Variants in UBAP1 observed in about 807,000 individuals in gnomAD.
UBAP1 encodes the protein ubiquitin-associated protein 1.
UBAP1 carries 5 observed loss-of-function variants against 39.0 expected under a neutral mutation model. That is an observed-to-expected ratio of 0.13 (90% CI 0.07 to 0.27). UBAP1 has a LOEUF of 0.27. Among genes scored for constraint, UBAP1 ranks in the 10% least tolerant of loss-of-function variants. The pLI is 1.00. For synonymous variants in UBAP1, 211 were observed against 225.1 expected, an observed-to-expected ratio of 0.94 and a Z score of 0.56; for missense variants, 490 against 608.1, an observed-to-expected ratio of 0.81 and a Z score of 2.04.
chr9:34,200,503 A>T (rs1334478309), intron 1 of UBAP1, among the ~76,000 whole-genome samples: 3 of 152,188 alleles, frequency 2.0e-5, no homozygotes, highest in Non-Finnish European at 4.4e-5. Context: ...ATTAGGATGG[A>T]TAGATGTTTA....
intron 1 of UBAP1, among the ~76,000 whole-genome samples, chr9:34,194,471 T>C (rs2131517068): frequency 6.6e-6 from 1 of 152,138 alleles, no homozygotes; most frequent in South Asian, 2.1e-4. Flanking sequence ...CCTGCCACCA[T>C]GCCCGGCTAA....
chr9:34,236,270 G>A (rs1241158075), intron 3 of UBAP1, among the ~76,000 whole-genome samples: 1 of 152,008 alleles, frequency 6.6e-6, no homozygotes, highest in Non-Finnish European at 1.5e-5. Flanking sequence ...ATTCAGCATA[G>A]TAACATGCTA....
chr9:34,213,508 C>G (rs1832129801), intron 1 of UBAP1, among the ~76,000 whole-genome samples: 1 of 152,020 alleles, frequency 6.6e-6, no homozygotes, highest in Non-Finnish European at 1.5e-5. Flanking sequence ...GAGACTCTGT[C>G]TCAAAAACAA....
At position 34,247,425 on chromosome 9, in the gene UBAP1, T is replaced by C. The variant is rs201996653; in HGVS notation, c.1084-2354T>C. On this transcript the variant is annotated intron_variant, in intron 4 of 6. Coordinates refer to ENST00000297661, the MANE Select transcript of UBAP1 (RefSeq NM_016525.5). ...AATTAATAAATATATCTTTTTTTCT[T>C]ATTTATTTATTTATTTAGAGACGGT... is the stretch of plus-strand genomic sequence containing the variant. Among the ~76,000 whole-genome samples, 15 of 152,156 alleles carry C rather than the reference T, an allele frequency of 9.9e-5. No homozygotes were observed. The East Asian group carries it at 2.9e-3, about 29-fold the overall frequency.
chr9:34,226,156 T>TGTGTGTGTGTGTGTGTGTGTGTGG (rs1833089039), intron 2 of UBAP1, among the ~76,000 whole-genome samples: 3 of 141,188 alleles, frequency 2.1e-5, no homozygotes, highest in Non-Finnish European at 3.1e-5. Context: ...TGTGTGTGTG[T>TGTGTGTGTGTGTGTGTGTGTGTGG]GGTGGGCTGG....
At chr9:34,189,069 A>G (rs1266717276) in intron 1 of UBAP1, among the ~76,000 whole-genome samples, 1 of 152,178 alleles carries the variant, frequency 6.6e-6, no homozygotes, top group Non-Finnish European at 1.5e-5. Flanking sequence ...TAAGAATGGA[A>G]TCTTCCTAAT....
In UBAP1 at chr9:34,208,726, C is replaced by T. The variant is rs181298379; in HGVS notation, c.-7-12182C>T. ...CTGGGAGGCGGAGTTTGCAGTGAGCCGAGATGGCACCACTGCACTCCAGCC... is the reference window on the plus strand; with the variant it reads ...CTGGGAGGCGGAGTTTGCAGTGAGCTGAGATGGCACCACTGCACTCCAGCC... On this transcript the variant is annotated intron_variant, in intron 1 of 6. Coordinates refer to ENST00000297661, the MANE Select transcript of UBAP1 (RefSeq NM_016525.5). Among the ~76,000 whole-genome samples the T allele has an allele frequency of 3.1e-3, 459 of 148,226 alleles. 1 individual carries two copies. Among genetic ancestry groups the T allele is most frequent in the African/African-American group, 0.011 (437 of 40,220 alleles).
intron 3 of UBAP1, among the ~76,000 whole-genome samples, chr9:34,234,849 T>C (rs1193513031): frequency 6.6e-6 from 1 of 152,196 alleles, no homozygotes; most frequent in Admixed American, 6.5e-5. Flanking sequence ...TGCTATACTT[T>C]TTAGCATTAT....
Position 34,241,761 on chromosome 9 carries a change from A to G in UBAP1, c.736A>G (p.Met246Val). The G allele has an allele frequency of 6.2e-7, 1 of 1,614,134 alleles. No individual in the cohort carries two copies. Among genetic ancestry groups the G allele is most frequent in the Non-Finnish European group, 8.5e-7 (1 of 1,180,014 alleles). ...ACCACAGTTGGGCAACTGTGAAAAGATGTCACTGTCTTCCAAAGTGTCCCT... is the reference window on the plus strand; with the variant it reads ...ACCACAGTTGGGCAACTGTGAAAAGGTGTCACTGTCTTCCAAAGTGTCCCT... The part of the protein sequence containing the change: ...TLPQLGNCEK[M>V]SLSSKVSLPP... Residue 246 changes from methionine (M) to valine (V), a missense_variant, in exon 4 of 7, where the codon ATG becomes GTG. By Grantham distance (21) the Met-to-Val change is conservative. Transcript: ENST00000297661.
intron 3 of UBAP1, among the ~76,000 whole-genome samples, chr9:34,237,656 C>T (rs1323555830): frequency 6.6e-6 from 1 of 152,096 alleles, no homozygotes; most frequent in African/African-American, 2.4e-5. Flanking sequence ...CAGCCTCGAC[C>T]TCCCTGAGCT....
At chr9:34,181,412 G>T (rs2131478301) in intron 1 of UBAP1, among the ~76,000 whole-genome samples, 1 of 150,440 alleles carries the variant, frequency 6.6e-6, no homozygotes, top group African/African-American at 2.4e-5. Context: ...CACCGCGCCC[G>T]GCCTTTTTTA....
In UBAP1 at chr9:34,251,717, G is replaced by C; in HGVS notation, c.*185G>C. The C allele has an allele frequency of 1.6e-6, 1 of 644,696 alleles. No individual in the cohort carries two copies. The highest frequency in any genetic ancestry group is 2.6e-6 in the Non-Finnish European group (1 of 382,090). The allele number at this position is 644,696 out of a possible 1,614,324, so 39.9% of individuals were successfully genotyped here. ...TGAGCTGGGGAGGTGGGGAAGATTC[G>C]GGCATGTGAGTGCCCCCAGAACTGT... On this transcript the variant is annotated 3_prime_UTR_variant, in exon 7 of 7. Coordinates refer to ENST00000297661, the MANE Select transcript of UBAP1 (RefSeq NM_016525.5).
At chr9:34,204,057 T>C (rs1159152800) in intron 1 of UBAP1, among the ~76,000 whole-genome samples, 1 of 152,224 alleles carries the variant, frequency 6.6e-6, no homozygotes, top group Non-Finnish European at 1.5e-5. Flanking sequence ...CTGGGCGTGG[T>C]GGTTCATGCC....
At chr9:34,235,827 T>TG (rs1491194392) in intron 3 of UBAP1, among the ~76,000 whole-genome samples, 2 of 139,628 alleles carry the variant, frequency 1.4e-5, no homozygotes, top group Non-Finnish European at 3.2e-5. Context: ...ATTTTTAATC[T>TG]TTTTTTTTTT....
In UBAP1 at chr9:34,188,423, CT is replaced by C. The variant is rs34942688; in HGVS notation, c.-8+9207del. Among the ~76,000 whole-genome samples the C allele has an allele frequency of 4.2e-3, 488 of 117,162 alleles. 3 individuals carry two copies. Among genetic ancestry groups the C allele is most frequent in the African/African-American group, 6.6e-3 (206 of 30,980 alleles). 76.9% of individuals were successfully genotyped at this position (117,162 alleles called of 152,430 possible). Reference sequence around the variant, plus strand: ...TTTGAATGCTAAACTTAGTCTTCAGCTTTTTTTTTTTTTTTTTTTTTTTTAA... The same window carrying C: ...TTTGAATGCTAAACTTAGTCTTCAGCTTTTTTTTTTTTTTTTTTTTTTTAA... On this transcript the variant is annotated intron_variant, in intron 1 of 6. Coordinates refer to ENST00000297661, the MANE Select transcript of UBAP1 (RefSeq NM_016525.5).
At chr9:34,186,361 A>C (rs1043476300) in intron 1 of UBAP1, among the ~76,000 whole-genome samples, 22 of 152,134 alleles carry the variant, frequency 1.4e-4, no homozygotes, top group African/African-American at 5.3e-4. Context: ...AGTAATCCTC[A>C]TGTGTTCTCA....
chr9:34,179,352 C>A, intron 1 of UBAP1, 112 bp downstream of exon 1: 1 of 833,474 alleles, frequency 1.2e-6, no homozygotes, highest in Non-Finnish European at 1.6e-6. Context: ...TGAAGGGCGC[C>A]GGAGCTAGGA....
intron 1 of UBAP1, among the ~76,000 whole-genome samples, chr9:34,192,111 T>C (rs1830758957): frequency 6.6e-6 from 1 of 151,910 alleles, no homozygotes; most frequent in Non-Finnish European, 1.5e-5. Flanking sequence ...CCTAAAGTAC[T>C]GGGATTACAG....
At chr9:34,181,748 T>TA (rs1830051951) in intron 1 of UBAP1, among the ~76,000 whole-genome samples, 1 of 149,332 alleles carries the variant, frequency 6.7e-6, no homozygotes. Flanking sequence ...TTTTTTTTTT[T>TA]AATGAAGGCA....
Sources: allele counts gnomAD v4.1 joint callset (sites outside exome capture counted in the v4.1 genomes callset), GRCh38; gene constraint gnomAD v4.1.1; transcripts MANE v1.5; gene names NCBI Gene and HGNC (gene_info 2026-07-23, HGNC 2026-07-21).